Variants in ZFYVE26 observed in about 807,000 individuals in gnomAD.
The protein encoded by ZFYVE26 is zinc finger FYVE-type containing 26.
ZFYVE26 carries 181 observed loss-of-function variants against 276.5 expected under a neutral mutation model. The ratio of observed to expected loss-of-function variants is 0.65; its 90% CI spans 0.58 to 0.74. The LOEUF is 0.74. Ranked by LOEUF, ZFYVE26 falls within the 30% of genes least tolerant of loss-of-function variation. The pLI is 0.00. For missense variants in ZFYVE26, 2,821 were observed against 3,097.9 expected, an observed-to-expected ratio of 0.91 and a Z score of 2.12; for synonymous variants, 1,129 against 1,203.1, an observed-to-expected ratio of 0.94 and a Z score of 1.27.
chr14:67,807,254 A>T, intron 5 of ZFYVE26, 144 bp downstream of exon 5: 1 of 1,059,950 alleles, frequency 9.4e-7, no homozygotes, highest in Non-Finnish European at 1.4e-6. Flanking sequence ...CTGTACTTTT[A>T]CGAAAGAGCA....
Position 67,798,147 on chromosome 14 carries a change from A to T in ZFYVE26, c.2115T>A (p.Pro705=). 6.2e-7 allele frequency: 1 copy of T among 1,614,002 alleles called. No individual in the cohort carries two copies. Among genetic ancestry groups the T allele is most frequent in the African/African-American group, 1.3e-5 (1 of 74,998 alleles). The part of the protein sequence containing the change: ...QLDEISSRSP[P]EKPKQESQSC... Reference sequence around the variant, plus strand: ...TCTGACTTTCTTGCTTTGGCTTCTCAGGAGGGCTGCGGCTACTGATCTCAT... The same window carrying T: ...TCTGACTTTCTTGCTTTGGCTTCTCTGGAGGGCTGCGGCTACTGATCTCAT... Residue 705 remains proline, a synonymous_variant, in exon 11 of 42, where the codon CCT becomes CCA. Transcript: ENST00000347230.
In ZFYVE26 at chr14:67,789,199, G is replaced by A. The variant is rs535857999; in HGVS notation, c.3019+136C>T. 3.3e-6 allele frequency: 4 copies of A among 1,201,384 alleles called. No individual in the cohort carries two copies. In the African/African-American group the frequency reaches 4.5e-5, roughly 13 times the overall value. 74.4% of individuals were successfully genotyped at this position (1,201,384 alleles called of 1,614,324 possible). On this transcript the variant is annotated intron_variant, in intron 16 of 41. Coordinates refer to ENST00000347230, the MANE Select transcript of ZFYVE26 (RefSeq NM_015346.4). ...CAGACTGTATTTATGCCATCAGATT[G>A]TATGTGACAAAATTTCATAATCCAT...
At chr14:67,790,425 G>T in intron 15 of ZFYVE26, 147 bp downstream of exon 15, 1 of 822,346 alleles carries the variant, frequency 1.2e-6, no homozygotes, top group Non-Finnish European at 2.0e-6. Context: ...AAAACTGGAC[G>T]TATCAGGTTT....
Position 67,737,548 on chromosome 14 carries a change from C to T in ZFYVE26, n.2680-7729G>A, listed in dbSNP as rs575879811. ...ATGATTCAGTCAACTCCCACCAGGT[C>T]CCTCCCTCAACACATGGGGATTACA... On this transcript the variant is annotated intron_variant and non_coding_transcript_variant, in intron 13 of 14. Transcript: ENST00000394455. Among the ~76,000 whole-genome samples the T allele has an allele frequency of 2.0e-5, 3 of 152,242 alleles. No individual in the cohort carries two copies. In the East Asian group the frequency reaches 5.8e-4, roughly 29 times the overall value.
In ZFYVE26 at chr14:67,789,666, A is replaced by G. The variant is rs114904950; in HGVS notation, c.2756-68T>C. ...ATTCTTACTACAACTTTTATTAGGT[A>G]AAGTAGTTACTTTCAAAATGTTTGA... On this transcript the variant is annotated intron_variant, in intron 15 of 41. Coordinates refer to ENST00000347230, the MANE Select transcript of ZFYVE26 (RefSeq NM_015346.4). 1,948 of 1,604,046 alleles carry G rather than the reference A, an allele frequency of 1.2e-3. 21 individuals carry two copies. In the African/African-American group the frequency reaches 0.023, roughly 19 times the overall value.
chr14:67,814,356 T>C (rs2140259337), intron 2 of ZFYVE26, among the ~76,000 whole-genome samples: 1 of 152,146 alleles, frequency 6.6e-6, no homozygotes, highest in Middle Eastern at 3.4e-3. Flanking sequence ...CCATCTCTAC[T>C]AAAAATACAA....
chr14:67,794,893 G>A (rs1402810755), intron 12 of ZFYVE26, among the ~76,000 whole-genome samples: 3 of 152,142 alleles, frequency 2.0e-5, no homozygotes, highest in Non-Finnish European at 4.4e-5. Context: ...AGGTTACAGT[G>A]AGCTATGATT....
rs1435012542 is a variant in ZFYVE26 at position 67,790,558 on chromosome 14, C to T, written c.2755+14G>A. 2.5e-6 allele frequency: 4 copies of T among 1,612,504 alleles called. No homozygotes were observed. In the Admixed American group the frequency reaches 5.0e-5, roughly 20 times the overall value. ...GCCACCTCACCACTTATGGTGTTAGCAGGGAAGCCTGACCTGCTGCTGCAG... is the reference window on the plus strand; with the variant it reads ...GCCACCTCACCACTTATGGTGTTAGTAGGGAAGCCTGACCTGCTGCTGCAG... On this transcript the variant is annotated intron_variant, in intron 15 of 41. Transcript: ENST00000347230.
intron 4 of ZFYVE26, 33 bp downstream of exon 4, chr14:67,809,166 AC>A (rs1268992626): frequency 6.4e-7 from 1 of 1,572,320 alleles, no homozygotes; most frequent in Middle Eastern, 1.7e-4. Flanking sequence ...GTGACTGTCA[AC>A]CCTGGGCAGA....
intron 3 of ZFYVE26, among the ~76,000 whole-genome samples, chr14:67,811,383 T>C (rs966473728): frequency 1.3e-5 from 2 of 152,216 alleles, no homozygotes; most frequent in Admixed American, 6.5e-5. Context: ...ACAAAATTAA[T>C]TCTGGTGACC....
chr14:67,750,596 G>C (rs2038610516), intron 41 of ZFYVE26: 2 of 217,522 alleles, frequency 9.2e-6, no homozygotes, highest in Non-Finnish European at 1.9e-5. Flanking sequence ...GTTCATTCTG[G>C]AGACCGAGAC....
chr14:67,789,086 C>A (rs898875926), intron 16 of ZFYVE26, among the ~76,000 whole-genome samples: 7 of 152,126 alleles, frequency 4.6e-5, no homozygotes, highest in South Asian at 2.1e-4. Context: ...TCCATTGATA[C>A]CATTTTAAAA....
In ZFYVE26 at chr14:67,752,627, C is replaced by T. The variant is rs1335994574; in HGVS notation, c.7189-101G>A. 4 of 1,264,928 alleles carry T rather than the reference C, an allele frequency of 3.2e-6. No homozygotes were observed. In the African/African-American group the frequency reaches 5.9e-5, roughly 19 times the overall value. The allele number at this position is 1,264,928 out of a possible 1,614,324, so 78.4% of individuals were successfully genotyped here. On this transcript the variant is annotated intron_variant, in intron 39 of 41. Coordinates refer to ENST00000347230, the MANE Select transcript of ZFYVE26 (RefSeq NM_015346.4). The stretch of plus-strand genomic sequence containing the variant: ...TCTCACTATGCTTGGTGTAGATAAG[C>T]CATATTGATTGTGGTCACAGTAGAA...
rs1249560771 is a variant in ZFYVE26, at chr14:67,784,556, T to A, written c.3524-120A>T. ...GATGAAGACAATATGGAGAGCCTTC[T>A]GTTAATTCATTCTAGGTAAAGGGTA... is the stretch of plus-strand genomic sequence containing the variant. On this transcript the variant is annotated intron_variant, in intron 19 of 41. Transcript: ENST00000347230. 6 of 862,500 alleles carry A rather than the reference T, an allele frequency of 7.0e-6. No individual in the cohort carries two copies. The East Asian group carries it at 1.5e-4, about 21-fold the overall frequency. The allele number at this position is 862,500 out of a possible 1,614,324, so 53.4% of individuals were successfully genotyped here.
chr14:67,751,131 A>G (rs1206945020), intron 40 of ZFYVE26, 35 bp from the exon 41 acceptor site: 16 of 1,613,612 alleles, frequency 9.9e-6, no homozygotes, highest in Non-Finnish European at 1.1e-5. Context: ...TGAGAGGGAG[A>G]AGAGTCCCGC....
At position 67,793,829 on chromosome 14, in the gene ZFYVE26, C is replaced by T. The variant is rs1273095028; in HGVS notation, c.2402-70G>A. 2.5e-6 allele frequency: 4 copies of T among 1,599,012 alleles called. No individual in the cohort carries two copies. In the African/African-American group the frequency reaches 5.4e-5, roughly 21 times the overall value. ...TTAAGGAAATGCTATATTGCTGCCACCTCCCACCAAACTTTTATCTCCTCA... is the reference window on the plus strand; with the variant it reads ...TTAAGGAAATGCTATATTGCTGCCATCTCCCACCAAACTTTTATCTCCTCA... On this transcript the variant is annotated intron_variant, in intron 13 of 41. Coordinates refer to ENST00000347230, the MANE Select transcript of ZFYVE26 (RefSeq NM_015346.4).
intron 13 of ZFYVE26, among the ~76,000 whole-genome samples, chr14:67,731,743 C>T (rs2038279143): frequency 6.6e-6 from 1 of 152,050 alleles, no homozygotes; most frequent in Non-Finnish European, 1.5e-5. Flanking sequence ...AGCCACTGGG[C>T]AGTAGTGGTT....
At chr14:67,757,676 TTCTTTC>T (rs1466589698) in intron 35 of ZFYVE26, among the ~76,000 whole-genome samples, 1 of 139,756 alleles carries the variant, frequency 7.2e-6, no homozygotes, top group East Asian at 2.0e-4. Flanking sequence ...CTTTCTTTCT[TTCTTTC>T]TCTCTCTCTT....
chr14:67,761,410 T>C lies in ZFYVE26; in HGVS notation c.6544A>G (p.Arg2182Gly). 6.2e-7 allele frequency: 1 copy of C among 1,614,062 alleles called. No individual in the cohort carries two copies. The highest frequency in any genetic ancestry group is 1.1e-5 in the South Asian group (1 of 91,042). Residue 2182 changes from arginine (R) to glycine (G), a missense_variant, in exon 35 of 42, where the codon AGG (arginine) becomes GGG (glycine). Physicochemically the swap from Arg to Gly is moderately radical, Grantham distance 125 (BLOSUM62 -2). Transcript: ENST00000347230. The stretch of plus-strand genomic sequence containing the variant: ...AGAGCTTCCCGCAGGCAGCTGTGCC[T>C]CACGTAGAAGCTGATGATGGCCAGG... The part of the protein sequence containing the change: ...TNLAIISFYV[R>G]HSCLREALLH...
Sources: gnomAD v4.1 joint callset for allele counts (sites outside exome capture counted in the v4.1 genomes callset) on GRCh38, gnomAD v4.1.1 for gene constraint, MANE v1.5 for transcripts, NCBI Gene and HGNC (gene_info 2026-07-23, HGNC 2026-07-21) for gene names.